The following SP3 variants were observed in gnomAD, a reference collection of about 807,000 sequenced individuals.
SP3 encodes the protein Sp3 transcription factor.
SP3 carries 10 observed loss-of-function variants against 70.3 expected under a neutral mutation model. The observed-to-expected ratio is 0.14, with a 90% CI of 0.09 to 0.24. The LOEUF (loss-of-function observed/expected upper bound fraction) is 0.24. Among genes scored for constraint, SP3 ranks in the 10% least tolerant of loss-of-function variants. The probability of loss-of-function intolerance (pLI) is 1.00; values close to 1 mark genes in which losing one functional copy is unlikely to be tolerated. For synonymous variants in SP3, 402 were observed against 333.5 expected (o/e 1.21, Z -2.24); for missense variants, 825 against 914.6 (o/e 0.90, Z 1.26).
In SP3 at chr2:173,907,308, A is replaced by G. The variant is rs1289915242; in HGVS notation, c.*2633T>C. ...TTAGAGTATACCTACCCTGAGAATT[A>G]TACACAATACTAATAGGTTTTATAA... On this transcript the variant is annotated 3_prime_UTR_variant, in exon 7 of 7. Coordinates refer to ENST00000310015, the MANE Select transcript of SP3 (RefSeq NM_003111.5). The G allele has an allele frequency of 2.0e-5, 3 of 152,310 alleles. No individual in the cohort carries two copies. The highest frequency in any genetic ancestry group is 6.5e-5 in the Admixed American group (1 of 15,304). The allele number at this position is 152,310 out of a possible 1,614,324, so 9.4% of individuals were successfully genotyped here.
intron 1 of SP3, 82 bp from the exon 2 acceptor site, chr2:173,964,635 T>C (rs1490793890): frequency 1.7e-6 from 1 of 585,612 alleles, no homozygotes; most frequent in Non-Finnish European, 3.2e-6. Context: ...CGAAGCGAAA[T>C]TACTCCCAAA....
chr2:173,963,188 T>A (rs1356526124), intron 3 of SP3: 1 of 152,152 alleles, frequency 6.6e-6, no homozygotes, highest in Non-Finnish European at 1.5e-5. Flanking sequence ...AAAAAGTCAC[T>A]GCAAATTTTA....
chr2:173,965,567 G>C (rs908818470), upstream of SP3: 5 of 223,130 alleles, frequency 2.2e-5, no homozygotes, highest in East Asian at 7.2e-4. Flanking sequence ...ACGGCTCGCC[G>C]GTTACCCCGC....
At chr2:173,961,960 T>TTA (rs1177258008) in intron 3 of SP3, among the ~76,000 whole-genome samples, 4 of 149,558 alleles carry the variant, frequency 2.7e-5, no homozygotes, top group Non-Finnish European at 5.9e-5. Context: ...TTTTTTTTTT[T>TTA]AGGCAAAACT....
chr2:173,949,585 T>C (rs1690653600), intron 4 of SP3, among the ~76,000 whole-genome samples: 1 of 152,058 alleles, frequency 6.6e-6, no homozygotes. Flanking sequence ...TAAAAACACC[T>C]AAACAGTACC....
rs1689207723 is a variant in SP3, at chr2:173,902,464, T to C, written c.*7477A>G. On this transcript the variant is annotated 3_prime_UTR_variant, in exon 7 of 7. Coordinates refer to ENST00000310015, the MANE Select transcript of SP3 (RefSeq NM_003111.5). ...TTAAGAATATCCTGTTGGCCAGTGA[T>C]TCAAGTTCTAGATACATATCTCAAG... is the stretch of plus-strand genomic sequence containing the variant. Among the ~76,000 whole-genome samples the C allele has an allele frequency of 6.6e-6, 1 of 152,240 alleles. No individual in the cohort carries two copies. The highest frequency in any genetic ancestry group is 6.5e-5 in the Admixed American group (1 of 15,282).
intron 4 of SP3, among the ~76,000 whole-genome samples, chr2:173,924,510 T>C (rs1473808954): frequency 1.3e-5 from 2 of 152,202 alleles, no homozygotes; most frequent in Non-Finnish European, 2.9e-5. Flanking sequence ...ACACATAAGA[T>C]AAGGATTTAC....
At chr2:173,958,024 A>T (rs1294105588) in intron 3 of SP3, among the ~76,000 whole-genome samples, 1 of 151,712 alleles carries the variant, frequency 6.6e-6, no homozygotes, top group Admixed American at 6.6e-5. Context: ...AGTAAACTAC[A>T]AATATTTAAA....
At chr2:173,965,528 C>T (rs956602337), upstream of SP3, 3 of 257,822 alleles carry the variant, frequency 1.2e-5, no homozygotes, top group Non-Finnish European at 2.2e-5. Flanking sequence ...AATGAGCGGC[C>T]GTGGCAGCGT....
At chr2:173,914,254 A>G (rs1437567266) in intron 5 of SP3, 3 of 152,304 alleles carry the variant, frequency 2.0e-5, no homozygotes, top group East Asian at 3.9e-4. Context: ...CAATTTGTAT[A>G]AACTTTACAA....
chr2:173,940,284 A>C (rs1690332680), intron 4 of SP3, among the ~76,000 whole-genome samples: 1 of 152,200 alleles, frequency 6.6e-6, no homozygotes, highest in African/African-American at 2.4e-5. Context: ...TTTCAGGGTG[A>C]AACTGTTCCA....
At chr2:173,939,530 G>A (rs749662707) in intron 4 of SP3, among the ~76,000 whole-genome samples, 3 of 152,042 alleles carry the variant, frequency 2.0e-5, no homozygotes, top group Non-Finnish European at 2.9e-5. Flanking sequence ...TTGGGAGGCC[G>A]AGGCAGGTAG....
chr2:173,913,588 A>T (rs1574396870), intron 5 of SP3: 2 of 165,768 alleles, frequency 1.2e-5, no homozygotes, highest in East Asian at 3.3e-4. Context: ...AGAACCATTC[A>T]CAAATTCTAC....
rs1691260890 is a variant in SP3 at position 173,965,330 on chromosome 2, A to G, written c.-159T>C. 1.2e-6 allele frequency: 1 copy of G among 830,480 alleles called. No individual in the cohort carries two copies. The highest frequency in any genetic ancestry group is 2.7e-5 in the Admixed American group (1 of 36,696). 51.4% of individuals were successfully genotyped at this position (830,480 alleles called of 1,614,324 possible). On this transcript the variant is annotated 5_prime_UTR_variant, in exon 1 of 7. Coordinates refer to ENST00000310015, the MANE Select transcript of SP3 (RefSeq NM_003111.5). ...TATTTTGATTGACTGTGCGGGAAACACAAAAGGTGGAGCCTCCAGCCCAAA... is the reference window on the plus strand; with the variant it reads ...TATTTTGATTGACTGTGCGGGAAACGCAAAAGGTGGAGCCTCCAGCCCAAA...
intron 4 of SP3, among the ~76,000 whole-genome samples, chr2:173,936,981 T>C (rs1690226509): frequency 6.6e-6 from 1 of 152,184 alleles, no homozygotes; most frequent in Admixed American, 6.5e-5. Context: ...ACTTACTATA[T>C]TGATTTATAT....
intron 4 of SP3, among the ~76,000 whole-genome samples, chr2:173,927,802 T>C (rs879576232): frequency 2.6e-5 from 4 of 152,174 alleles, no homozygotes; most frequent in Non-Finnish European, 5.9e-5. Context: ...AGGGCATCAG[T>C]TATTTAAGAT....
intron 3 of SP3, among the ~76,000 whole-genome samples, chr2:173,959,016 G>C (rs72913025): frequency 0.065 from 9,886 of 152,160 alleles, 351 homozygotes; most frequent in South Asian, 0.097. Flanking sequence ...AATTAGCCTA[G>C]CACAATTCCT....
chr2:173,919,818 CTATA>C (rs10556238), intron 4 of SP3, among the ~76,000 whole-genome samples: 4,615 of 152,126 alleles, frequency 0.03, 255 homozygotes, highest in African/African-American at 0.11. Context: ...AAAAGTGAAC[CTATA>C]TATACCCTAT....
At chr2:173,932,849 A>AGGCTT (rs1481714189) in intron 4 of SP3, among the ~76,000 whole-genome samples, 1 of 152,016 alleles carries the variant, frequency 6.6e-6, no homozygotes, top group Non-Finnish European at 1.5e-5. Context: ...AACATTAGCC[A>AGGCTT]GGCTTGGCGG....
Sources: gnomAD v4.1 joint callset for allele counts (sites outside exome capture counted in the v4.1 genomes callset) on GRCh38, gnomAD v4.1.1 for gene constraint, MANE v1.5 for transcripts, NCBI Gene and HGNC (gene_info 2026-07-23, HGNC 2026-07-21) for gene names.